Variants in XPO7 observed in about 807,000 individuals in gnomAD.
XPO7 encodes exportin-7.
In XPO7, 21 loss-of-function variants were observed where a neutral mutation model predicts 144.3. That is an observed-to-expected ratio of 0.15 (90% CI 0.10 to 0.21). The LOEUF (loss-of-function observed/expected upper bound fraction) is 0.21. Among genes scored for constraint, XPO7 ranks in the 10% least tolerant of loss-of-function variants. The pLI is 1.00. For missense variants in XPO7, 808 were observed against 1,325.8 expected, an observed-to-expected ratio of 0.61 and a Z score of 6.06; for synonymous variants, 580 against 499.6, an observed-to-expected ratio of 1.16 and a Z score of -2.15.
intron 9 of XPO7, among the ~76,000 whole-genome samples, chr8:21,981,519 A>G (rs982380258): frequency 6.6e-6 from 1 of 152,204 alleles, no homozygotes; most frequent in African/African-American, 2.4e-5. Flanking sequence ...TTGTGAACAT[A>G]TGAGATAATA....
intron 1 of XPO7, among the ~76,000 whole-genome samples, chr8:21,920,515 T>G (rs1810243683): frequency 6.6e-6 from 1 of 152,058 alleles, no homozygotes; most frequent in East Asian, 1.9e-4. Context: ...AAATGAGAGA[T>G]GCAGGGTTGG....
chr8:21,992,451 T>G (rs727694), intron 19 of XPO7, among the ~76,000 whole-genome samples: 9 of 152,054 alleles, frequency 5.9e-5, no homozygotes, highest in Non-Finnish European at 1.3e-4. Flanking sequence ...AACATTTTCA[T>G]TATTCAGTTT....
chr8:21,970,805 G>GA (rs144550215), intron 4 of XPO7, among the ~76,000 whole-genome samples: 3,155 of 151,756 alleles, frequency 0.021, 126 homozygotes, highest in African/African-American at 0.073. Flanking sequence ...AATGGAACTG[G>GA]AAAAAAAATG....
At chr8:21,966,270 A>C (rs764548816) in intron 1 of XPO7, 1 of 780,328 alleles carries the variant, frequency 1.3e-6, no homozygotes, top group South Asian at 1.3e-5. Flanking sequence ...GTGCAACAGA[A>C]GAGAGTCTGC....
chr8:21,951,832 A>C (rs2060686789), intron 1 of XPO7, among the ~76,000 whole-genome samples: 1 of 152,226 alleles, frequency 6.6e-6, no homozygotes, highest in East Asian at 1.9e-4. Context: ...AATTTACATA[A>C]AGTCTTACAT....
intron 1 of XPO7, among the ~76,000 whole-genome samples, chr8:21,963,859 A>G (rs1304537523): frequency 6.6e-6 from 1 of 152,226 alleles, no homozygotes; most frequent in East Asian, 1.9e-4. Context: ...AAATTATTAT[A>G]TTCTAAGGTC....
intron 1 of XPO7, among the ~76,000 whole-genome samples, chr8:21,925,297 A>C (rs144057768): frequency 1.5e-4 from 23 of 152,348 alleles, no homozygotes; most frequent in African/African-American, 5.5e-4. Flanking sequence ...ACATGTGTGC[A>C]TGCACACAAG....
At chr8:21,941,558 A>C (rs1428148202) in intron 1 of XPO7, among the ~76,000 whole-genome samples, 1 of 152,202 alleles carries the variant, frequency 6.6e-6, no homozygotes, top group East Asian at 1.9e-4. Flanking sequence ...GACAAGAAAA[A>C]CAGTGTATAC....
chr8:21,982,631 T>C lies in XPO7; in HGVS notation c.1105-9T>C, dbSNP rs1405259120. ...AAAATATGCCTTCTGCTTTTCTACT[T>C]TTCTTTAGCACTGGGAATTTGCTCC... On this transcript the variant is annotated splice_polypyrimidine_tract_variant and intron_variant, in intron 10 of 27. Transcript: ENST00000252512. The C allele has an allele frequency of 6.4e-7, 1 of 1,570,284 alleles. No homozygotes were observed.
chr8:21,992,583 C>G (rs1812807082), intron 19 of XPO7, among the ~76,000 whole-genome samples: 2 of 152,068 alleles, frequency 1.3e-5, no homozygotes, highest in Admixed American at 1.3e-4. Context: ...GAGTCTGACT[C>G]TCTTGCCCAG....
chr8:21,990,270 T>C, intron 16 of XPO7, 74 bp from the exon 17 acceptor site: 1 of 1,470,284 alleles, frequency 6.8e-7, no homozygotes. Flanking sequence ...TGTCCTTTAT[T>C]CTGGAAAGTT....
At chr8:22,002,913 G>C (rs1813201725) in intron 25 of XPO7, 1 of 223,872 alleles carries the variant, frequency 4.5e-6, no homozygotes, top group East Asian at 1.2e-4. Flanking sequence ...ATGCAAGGTG[G>C]TTTTGCTTAC....
At chr8:21,959,573 A>G (rs1811652859) in intron 1 of XPO7, among the ~76,000 whole-genome samples, 1 of 152,178 alleles carries the variant, frequency 6.6e-6, no homozygotes, top group Non-Finnish European at 1.5e-5. Context: ...TTTGTGGGTA[A>G]AGATCCTACA....
In XPO7 at chr8:22,005,130, G is replaced by A; in HGVS notation, c.*42G>A. On this transcript the variant is annotated 3_prime_UTR_variant, in exon 28 of 28. Transcript: ENST00000252512. Reference sequence around the variant, plus strand: ...ACCTGTACAGAGCAGCGTCCCTTTGGTTTGGCCCAGAGGGGCGAACAATTG... The same window carrying A: ...ACCTGTACAGAGCAGCGTCCCTTTGATTTGGCCCAGAGGGGCGAACAATTG... 2 of 1,539,382 alleles carry A rather than the reference G, an allele frequency of 1.3e-6. No individual in the cohort carries two copies. Among genetic ancestry groups the A allele is most frequent in the African/African-American group, 1.4e-5 (1 of 72,598 alleles).
chr8:21,920,913 C>T (rs942647636), intron 1 of XPO7, among the ~76,000 whole-genome samples: 37 of 152,194 alleles, frequency 2.4e-4, no homozygotes, highest in African/African-American at 7.0e-4. Flanking sequence ...CTACAAGAAT[C>T]TGGAGTGGTG....
intron 7 of XPO7, among the ~76,000 whole-genome samples, chr8:21,977,198 C>G (rs571433802): frequency 2.6e-5 from 4 of 152,164 alleles, no homozygotes; most frequent in Non-Finnish European, 4.4e-5. Flanking sequence ...GTTTTAAATT[C>G]TTTTTATGGA....
In XPO7 at chr8:21,996,936, A is replaced by G. The variant is rs528257302; in HGVS notation, c.2345+1337A>G. Among the ~76,000 whole-genome samples the G allele has an allele frequency of 3.9e-5, 6 of 152,142 alleles. No homozygotes were observed. The South Asian group carries it at 8.3e-4, about 21-fold the overall frequency. ...CGATTCTCCTGCCTCAGCCTCCCAC[A>G]TAGCTGGGATTACAGACATGCGCCA... On this transcript the variant is annotated intron_variant, in intron 21 of 27. Coordinates refer to ENST00000252512, the MANE Select transcript of XPO7 (RefSeq NM_015024.5).
chr8:22,003,847 G>A, intron 26 of XPO7, 56 bp from the exon 27 acceptor site: 5 of 1,608,094 alleles, frequency 3.1e-6, no homozygotes, highest in Non-Finnish European at 4.3e-6. Flanking sequence ...GATGACGGAG[G>A]GCTAATCTGC....
chr8:22,004,067 A>G (rs753844771), intron 27 of XPO7, 37 bp downstream of exon 27: 34 of 1,608,968 alleles, frequency 2.1e-5, no homozygotes, highest in Non-Finnish European at 2.9e-5. Context: ...ATCTCAGACA[A>G]TTGCTATTTT....
Sources: allele counts gnomAD v4.1 joint callset (sites outside exome capture counted in the v4.1 genomes callset), GRCh38; gene constraint gnomAD v4.1.1; transcripts MANE v1.5; gene names NCBI Gene and HGNC (gene_info 2026-07-23, HGNC 2026-07-21).